The following RNF150 variants were observed in gnomAD, a reference collection of about 807,000 sequenced individuals.
The protein encoded by RNF150 is ring finger protein 150.
A neutral mutation model predicts 39.3 loss-of-function variants in RNF150; 24 were observed. The ratio of observed to expected loss-of-function variants is 0.61; its 90% CI spans 0.44 to 0.86. The LOEUF (loss-of-function observed/expected upper bound fraction) is 0.86. Among genes scored for constraint, RNF150 ranks in the 40% least tolerant of loss-of-function variants. The probability of loss-of-function intolerance (pLI) is 0.00; values close to 1 mark genes in which losing one functional copy is unlikely to be tolerated. For synonymous variants in RNF150, 255 were observed against 227.3 expected (o/e 1.12, Z -1.10); for missense variants, 502 against 587.8 (o/e 0.85, Z 1.51).
intron 1 of RNF150, among the ~76,000 whole-genome samples, chr4:141,014,773 G>A (rs538107853): frequency 7.0e-6 from 1 of 142,096 alleles, no homozygotes; most frequent in East Asian, 2.2e-4. Flanking sequence ...AATATTTTCT[G>A]TAGGTTGTTC....
intron 1 of RNF150, among the ~76,000 whole-genome samples, chr4:141,111,854 C>G (rs957421356): frequency 4.6e-5 from 7 of 151,836 alleles, no homozygotes; most frequent in African/African-American, 1.7e-4. Context: ...GAGTGTCGTG[C>G]TTTTATTTTG....
intron 1 of RNF150, among the ~76,000 whole-genome samples, chr4:141,208,515 G>T (rs1358595831): frequency 6.6e-6 from 1 of 152,184 alleles, no homozygotes; most frequent in African/African-American, 2.4e-5. Flanking sequence ...ACCCTGTCAG[G>T]ATATTTTTTC....
intron 1 of RNF150, among the ~76,000 whole-genome samples, chr4:141,116,997 G>A (rs925364555): frequency 6.6e-6 from 1 of 152,102 alleles, no homozygotes; most frequent in South Asian, 2.1e-4. Context: ...GTCAGGGGGT[G>A]GGGGGACTAG....
At chr4:141,198,764 C>T (rs1160397655) in intron 1 of RNF150, among the ~76,000 whole-genome samples, 1 of 152,168 alleles carries the variant, frequency 6.6e-6, no homozygotes, top group African/African-American at 2.4e-5. Context: ...CTCAAGCATA[C>T]TTGTCTCTGC....
chr4:141,074,867 T>G (rs999461891), intron 1 of RNF150, among the ~76,000 whole-genome samples: 1 of 152,214 alleles, frequency 6.6e-6, no homozygotes, highest in African/African-American at 2.4e-5. Flanking sequence ...CCAGTTAACC[T>G]CTTGCACTGA....
chr4:140,947,515 G>T (rs1732365179), intron 4 of RNF150, 139 bp downstream of exon 4: 1 of 684,816 alleles, frequency 1.5e-6, no homozygotes. Flanking sequence ...GAATGTTAGG[G>T]TTGTCTGCAA....
chr4:141,083,040 C>T (rs1475701314), intron 1 of RNF150, among the ~76,000 whole-genome samples: 2 of 151,978 alleles, frequency 1.3e-5, no homozygotes, highest in South Asian at 2.1e-4. Flanking sequence ...TTTTAGACCC[C>T]CTGAAGATGT....
intron 1 of RNF150, among the ~76,000 whole-genome samples, chr4:141,151,753 G>A (rs1339908217): frequency 2.0e-5 from 3 of 152,050 alleles, no homozygotes; most frequent in Non-Finnish European, 4.4e-5. Context: ...TATAAGCAAG[G>A]AAGTGTTCCT....
At chr4:140,945,213 C>A (rs192496726) in intron 4 of RNF150, among the ~76,000 whole-genome samples, 5 of 152,060 alleles carry the variant, frequency 3.3e-5, no homozygotes, top group Non-Finnish European at 7.4e-5. Flanking sequence ...GAGCCTGAAG[C>A]CAAACTAAAC....
At chr4:141,026,120 G>A (rs2110804505) in intron 1 of RNF150, among the ~76,000 whole-genome samples, 1 of 152,214 alleles carries the variant, frequency 6.6e-6, no homozygotes, top group South Asian at 2.1e-4. Flanking sequence ...CTTCACAACT[G>A]TGAGAAATAA....
intron 2 of RNF150, among the ~76,000 whole-genome samples, chr4:140,950,215 G>A (rs1485867182): frequency 1.3e-5 from 2 of 152,230 alleles, no homozygotes. Context: ...TGCAATAGAT[G>A]TGTATCTGTT....
At chr4:141,190,226 T>G (rs1423591162) in intron 1 of RNF150, among the ~76,000 whole-genome samples, 1 of 152,208 alleles carries the variant, frequency 6.6e-6, no homozygotes, top group Non-Finnish European at 1.5e-5. Context: ...ACCCACCTTC[T>G]GCATTGGTCT....
At chr4:140,979,275 C>T (rs952803612) in intron 1 of RNF150, among the ~76,000 whole-genome samples, 1 of 152,102 alleles carries the variant, frequency 6.6e-6, no homozygotes, top group African/African-American at 2.4e-5. Flanking sequence ...CTAGTGGAAT[C>T]ACAGTATAGG....
At chr4:140,989,152 G>A (rs973402832) in intron 1 of RNF150, among the ~76,000 whole-genome samples, 1 of 152,158 alleles carries the variant, frequency 6.6e-6, no homozygotes, top group Non-Finnish European at 1.5e-5. Flanking sequence ...GTACACGGAA[G>A]CTGGTGTCAG....
intron 1 of RNF150, among the ~76,000 whole-genome samples, chr4:141,183,416 T>C (rs1727944803): frequency 6.6e-6 from 1 of 152,302 alleles, no homozygotes; most frequent in East Asian, 1.9e-4. Flanking sequence ...GATAGAATAT[T>C]ATTTATGTAA....
chr4:141,081,087 GC>G (rs1396201756), intron 1 of RNF150, among the ~76,000 whole-genome samples: 3 of 152,204 alleles, frequency 2.0e-5, no homozygotes, highest in African/African-American at 7.2e-5. Context: ...ACTGTCAGAT[GC>G]AAGCATCCAT....
In RNF150 at chr4:141,000,054, A is replaced by G. The variant is rs375416451; in HGVS notation, c.485-32181T>C. ...GAAGAAGAAGAAGAAGAAGAAGAAG[A>G]AGAAGAAGAAGAAGAAGAAGAAGAA... On this transcript the variant is annotated intron_variant, in intron 1 of 6. Coordinates refer to ENST00000515673, the MANE Select transcript of RNF150 (RefSeq NM_020724.2). Among the ~76,000 whole-genome samples, 629 of 91,344 alleles carry G rather than the reference A, an allele frequency of 6.9e-3. 51 individuals are homozygous for G. Among genetic ancestry groups the G allele is most frequent in the Middle Eastern group, 0.02 (4 of 200 alleles). 59.9% of individuals were successfully genotyped at this position (91,344 alleles called of 152,430 possible). A position where few individuals can be genotyped will look rare whatever the true frequency, so the allele number is the denominator to read the frequency against.
chr4:140,988,963 T>C (rs568474791), intron 1 of RNF150, among the ~76,000 whole-genome samples: 12 of 152,104 alleles, frequency 7.9e-5, no homozygotes, highest in African/African-American at 2.9e-4. Flanking sequence ...TGAGAACACT[T>C]GGACACAGGA....
chr4:141,162,143 A>C (rs551383322), intron 1 of RNF150, among the ~76,000 whole-genome samples: 1 of 152,332 alleles, frequency 6.6e-6, no homozygotes, highest in East Asian at 1.9e-4. Context: ...GAGAACAGCC[A>C]TGGAGGCTAT....
Sources: gnomAD v4.1 joint callset for allele counts (sites outside exome capture counted in the v4.1 genomes callset) on GRCh38, gnomAD v4.1.1 for gene constraint, MANE v1.5 for transcripts, NCBI Gene and HGNC (gene_info 2026-07-23, HGNC 2026-07-21) for gene names.